CGGBP1: variants seen among roughly 807,000 people sequenced by gnomAD.
The protein encoded by CGGBP1 is CGG triplet repeat binding protein 1, also known as CGG triplet repeat-binding protein 1.
Under a neutral mutation model 11.4 loss-of-function variants are expected in CGGBP1, and 4 were observed. That is an observed-to-expected ratio of 0.35 (90% confidence interval 0.17 to 0.80). CGGBP1 has a LOEUF of 0.80. CGGBP1 is among the 30% of genes least tolerant of loss of function. The probability of loss-of-function intolerance (pLI) is 0.52; values close to 1 mark genes in which losing one functional copy is unlikely to be tolerated. For missense variants in CGGBP1, 135 were observed against 202.1 expected, an observed-to-expected ratio of 0.67 and a Z score of 2.01; for synonymous variants, 76 against 74.1, an observed-to-expected ratio of 1.03 and a Z score of -0.13.
chr3:88,143,650 A>C (rs1475427630), intron 1 of CGGBP1: 1 of 152,294 alleles, frequency 6.6e-6, no homozygotes, highest in African/African-American at 2.4e-5. Context: ...CATTACTTTT[A>C]CTGTTCATGC....
intron 2 of CGGBP1, among the ~76,000 whole-genome samples, chr3:88,105,821 A>G (rs767029615): frequency 6.6e-6 from 1 of 152,156 alleles, no homozygotes; most frequent in Non-Finnish European, 1.5e-5. Context: ...TATCCCCCCA[A>G]AACTCATATT....
chr3:88,136,191 A>C (rs1426266597), intron 2 of CGGBP1, among the ~76,000 whole-genome samples: 1 of 152,212 alleles, frequency 6.6e-6, no homozygotes, highest in Non-Finnish European at 1.5e-5. Context: ...ATAAAGATGT[A>C]TCCATATTTT....
chr3:88,137,654 G>C (rs1232977585), intron 2 of CGGBP1, among the ~76,000 whole-genome samples: 2 of 152,080 alleles, frequency 1.3e-5, no homozygotes, highest in Admixed American at 1.3e-4. Flanking sequence ...GCAGAGACCA[G>C]GATAAGTGGG....
At position 88,139,528 on chromosome 3, in the gene CGGBP1, A is replaced by T. The variant is rs750519830; in HGVS notation, c.-229+1442T>A. The T allele has an allele frequency of 1.9e-5, 30 of 1,613,300 alleles. No homozygotes were observed. Among genetic ancestry groups the T allele is most frequent in the Non-Finnish European group, 2.4e-5 (28 of 1,179,684 alleles). ...GAAGTCACTGCTTTGGAAGAAATAAATTGTTCTAGTTCTTCCATTTCATTT... is the reference window on the plus strand; with the variant it reads ...GAAGTCACTGCTTTGGAAGAAATAATTTGTTCTAGTTCTTCCATTTCATTT... On this transcript the variant is annotated intron_variant, in intron 2 of 3. Transcript: ENST00000462901.
upstream of CGGBP1, among the ~76,000 whole-genome samples, chr3:88,063,364 C>T (rs931366186): frequency 3.3e-5 from 5 of 152,052 alleles, no homozygotes; most frequent in African/African-American, 9.7e-5. Flanking sequence ...TTTTAAGTAA[C>T]GACTGTGGGC....
upstream of CGGBP1, among the ~76,000 whole-genome samples, chr3:88,063,012 C>T (rs1395608768): frequency 3.3e-5 from 5 of 152,128 alleles, no homozygotes; most frequent in South Asian, 2.1e-4. Flanking sequence ...ATTAGAAAAG[C>T]GGAATGCTCC....
chr3:88,120,525 C>G (rs1705702723), intron 2 of CGGBP1, among the ~76,000 whole-genome samples: 1 of 152,032 alleles, frequency 6.6e-6, no homozygotes, highest in African/African-American at 2.4e-5. Context: ...AGAAGCAAAT[C>G]AGGAGATGGT....
intron 2 of CGGBP1, among the ~76,000 whole-genome samples, chr3:88,091,698 T>G (rs1708638688): frequency 6.6e-6 from 1 of 152,156 alleles, no homozygotes. Flanking sequence ...GGTCGGGTTT[T>G]TCCTGTGCTG....
At chr3:88,115,476 T>C (rs575827663) in intron 2 of CGGBP1, among the ~76,000 whole-genome samples, 3 of 152,346 alleles carry the variant, frequency 2.0e-5, no homozygotes, top group Admixed American at 2.0e-4. Flanking sequence ...ATCATGTCAC[T>C]GTTTTTAAGG....
At chr3:88,096,342 A>G (rs1704057710) in intron 2 of CGGBP1, among the ~76,000 whole-genome samples, 1 of 152,112 alleles carries the variant, frequency 6.6e-6, no homozygotes, top group South Asian at 2.1e-4. Context: ...GAGATGGTTG[A>G]TGAGAGGAAG....
chr3:88,113,154 G>A (rs1705195533), intron 2 of CGGBP1: 1 of 1,534,104 alleles, frequency 6.5e-7, no homozygotes, highest in Non-Finnish European at 8.7e-7. Context: ...GAAGAGATGA[G>A]TTTTATGAAG....
intron 2 of CGGBP1, among the ~76,000 whole-genome samples, chr3:88,099,711 CAAG>C (rs1704289657): frequency 6.6e-6 from 1 of 152,146 alleles, no homozygotes; most frequent in South Asian, 2.1e-4. Context: ...CTGACAAAAA[CAAG>C]AAATGGAGAA....
At chr3:88,059,240 G>T (rs541439861), upstream of CGGBP1, 6 of 1,521,538 alleles carry the variant, frequency 3.9e-6, no homozygotes, top group East Asian at 1.5e-4. Flanking sequence ...GGGAACTAGA[G>T]AGGAGGAGGA....
chr3:88,066,343 G>A (rs537175692), intron 2 of CGGBP1, among the ~76,000 whole-genome samples: 1 of 152,256 alleles, frequency 6.6e-6, no homozygotes, highest in South Asian at 2.1e-4. Flanking sequence ...GGAGTCCAAG[G>A]CAGGCAAATT....
intron 2 of CGGBP1, among the ~76,000 whole-genome samples, chr3:88,132,511 T>C (rs1706526574): frequency 6.6e-6 from 1 of 152,166 alleles, no homozygotes; most frequent in African/African-American, 2.4e-5. Flanking sequence ...GGTTTTTGTT[T>C]TCCTTCAGAA....
At position 88,053,707 on chromosome 3, in the gene CGGBP1, A is replaced by G. The variant is rs767030987; in HGVS notation, c.*1766T>C. Reference sequence around the variant, plus strand: ...AACTCAATTATTCCTAGCTTCTAAAATCTACCATCTTAGATAGTTCAAATT... The same window carrying G: ...AACTCAATTATTCCTAGCTTCTAAAGTCTACCATCTTAGATAGTTCAAATT... On this transcript the variant is annotated 3_prime_UTR_variant, in exon 4 of 4. Transcript: ENST00000482016. The G allele has an allele frequency of 6.6e-6, 1 of 152,574 alleles. No individual in the cohort carries two copies. Among genetic ancestry groups the G allele is most frequent in the Non-Finnish European group, 1.5e-5 (1 of 67,982 alleles). The allele number at this position is 152,574 out of a possible 1,614,324, so 9.5% of individuals were successfully genotyped here. A position where few individuals can be genotyped will look rare whatever the true frequency, so the allele number is the denominator to read the frequency against.
At position 88,124,692 on chromosome 3, in the gene CGGBP1, C is replaced by T. The variant is rs1576327928; in HGVS notation, c.-229+16278G>A. ...AAGCTTTGCTTTATAACTGCTACTACGTTTTTAATATCAGAGATTTTGTGA... is the reference window on the plus strand; with the variant it reads ...AAGCTTTGCTTTATAACTGCTACTATGTTTTTAATATCAGAGATTTTGTGA... On this transcript the variant is annotated intron_variant, in intron 2 of 3. Transcript: ENST00000462901. Among the ~76,000 whole-genome samples the T allele has an allele frequency of 4.6e-5, 7 of 151,358 alleles. No individual in the cohort carries two copies. The South Asian group carries it at 6.2e-4, about 13-fold the overall frequency.
chr3:88,132,750 T>C (rs950381231), intron 2 of CGGBP1, among the ~76,000 whole-genome samples: 6 of 152,218 alleles, frequency 3.9e-5, no homozygotes, highest in African/African-American at 1.4e-4. Context: ...TTATCTCTCT[T>C]AATTCTTTTA....
Position 88,051,969 on chromosome 3 carries a change from A to C in CGGBP1, c.*3504T>G, listed in dbSNP as rs1350614239. On this transcript the variant is annotated 3_prime_UTR_variant, in exon 4 of 4. Coordinates refer to ENST00000482016, the MANE Select transcript of CGGBP1 (RefSeq NM_001008390.2). ...TTCTGCTGTTTTGTAATCAGGAAAT[A>C]TATTTGTCATTGACTCACAAAACAA... The C allele has an allele frequency of 1.3e-5, 2 of 152,442 alleles. No individual in the cohort carries two copies. Among genetic ancestry groups the C allele is most frequent in the African/African-American group, 2.4e-5 (1 of 41,466 alleles). 9.4% of individuals were successfully genotyped at this position (152,442 alleles called of 1,614,324 possible). A position where few individuals can be genotyped will look rare whatever the true frequency, so the allele number is the denominator to read the frequency against.
Sources: gnomAD v4.1 joint callset for allele counts (sites outside exome capture counted in the v4.1 genomes callset) on GRCh38, gnomAD v4.1.1 for gene constraint, MANE v1.5 for transcripts, NCBI Gene and HGNC (gene_info 2026-07-23, HGNC 2026-07-21) for gene names.